Variants in PRAP1 observed in about 807,000 individuals in gnomAD.
PRAP1 encodes proline-rich acidic protein 1.
In PRAP1, 12 loss-of-function variants were observed where a neutral mutation model predicts 14.6. The observed-to-expected ratio is 0.82, with a 90% confidence interval of 0.53 to 1.33. The LOEUF is 1.33. PRAP1 is among the 40% of genes most tolerant of loss of function. The pLI is 0.00. For synonymous variants in PRAP1, 81 were observed against 80.3 expected, an observed-to-expected ratio of 1.01 and a Z score of -0.04; for missense variants, 160 against 193.7, an observed-to-expected ratio of 0.83 and a Z score of 1.03.
chr10:133,348,778 C>T (rs565667973), intron 1 of PRAP1, among the ~76,000 whole-genome samples: 159 of 151,852 alleles, frequency 1.0e-3, no homozygotes, highest in African/African-American at 3.7e-3. Flanking sequence ...TCTGTTGCCT[C>T]AGCCTCCCAA....
At position 133,352,469 on chromosome 10, in the gene PRAP1, C is replaced by T. The variant is rs777576350; in HGVS notation, c.*29C>T. The T allele has an allele frequency of 4.4e-5, 70 of 1,594,868 alleles. No homozygotes were observed. In the Admixed American group the frequency reaches 1.2e-3, roughly 26 times the overall value. ...TCCAGGGGCCATCACTGCCCCCGCC[C>T]TGTCCCAAGGCCCAGGCTGTTGGGA... On this transcript the variant is annotated 3_prime_UTR_variant, in exon 5 of 5. Coordinates refer to ENST00000433452, the MANE Select transcript of PRAP1 (RefSeq NM_145202.5).
Position 133,351,273 on chromosome 10 carries a change from G to C in PRAP1, c.76-108G>C. Reference sequence around the variant, plus strand: ...GCTGGCCCTGCCCCCACCCCCTGCAGCCACCTCCACCCCATGCAGCCCCAG... The same window carrying C: ...GCTGGCCCTGCCCCCACCCCCTGCACCCACCTCCACCCCATGCAGCCCCAG... On this transcript the variant is annotated intron_variant, in intron 2 of 4. Transcript: ENST00000433452. This position sits in a 1 kb window ranked among gnomAD's most constrained non-coding sequence, Gnocchi z 4.3. The C allele has an allele frequency of 5.8e-6, 4 of 687,118 alleles. No homozygotes were observed. The highest frequency in any genetic ancestry group is 7.4e-6 in the Non-Finnish European group (3 of 403,874). 42.6% of individuals were successfully genotyped at this position (687,118 alleles called of 1,614,324 possible).
At chr10:133,348,040 G>T (rs947961621) in intron 1 of PRAP1, among the ~76,000 whole-genome samples, 1 of 152,156 alleles carries the variant, frequency 6.6e-6, no homozygotes, top group African/African-American at 2.4e-5. Context: ...GTAGCTTGGG[G>T]ACCCTTTGGT....
At chr10:133,350,040 A>AGTTCAGGGCGCTGCCTGGT in intron 1 of PRAP1, 55 bp from the exon 2 acceptor site, 1 of 1,536,398 alleles carries the variant, frequency 6.5e-7, no homozygotes, top group Non-Finnish European at 8.9e-7. Flanking sequence ...TGCTGCCTGG[A>AGTTCAGGGCGCTGCCTGGT]GTTCAGGGCG....
In PRAP1 at chr10:133,352,109, A is replaced by C; in HGVS notation, c.231A>C (p.Pro77=). ...KPKLLTTEEK[P]RGQGRGPILP... ...AACTCTTGACCACCGAGGAGAAGCC[A>C]CGAGGTCAGGGCAGGGGCCCCATCC... is the stretch of plus-strand genomic sequence containing the variant. The change falls in exon 4 of 5, where the codon CCA becomes CCC. Residue 77 remains proline (P), a synonymous_variant. Coordinates refer to ENST00000433452, the MANE Select transcript of PRAP1 (RefSeq NM_145202.5). 1 of 1,613,156 alleles carries C rather than the reference A, an allele frequency of 6.2e-7. No homozygotes were observed. The highest frequency in any genetic ancestry group is 1.3e-5 in the African/African-American group (1 of 75,026).
chr10:133,352,556 G>C lies in PRAP1; in HGVS notation c.*116G>C. ...AAACCCCAGCAGGCCGGGCGCGGTG[G>C]CTCACCTCTGTAATCCCAGCACTTT... On this transcript the variant is annotated 3_prime_UTR_variant, in exon 5 of 5. Coordinates refer to ENST00000433452, the MANE Select transcript of PRAP1 (RefSeq NM_145202.5). 1 of 857,292 alleles carries C rather than the reference G, an allele frequency of 1.2e-6. No homozygotes were observed. Among genetic ancestry groups the C allele is most frequent in the African/African-American group, 1.7e-5 (1 of 58,542 alleles). The allele number at this position is 857,292 out of a possible 1,614,324, so 53.1% of individuals were successfully genotyped here.
At chr10:133,348,249 C>A (rs1296054730) in intron 1 of PRAP1, among the ~76,000 whole-genome samples, 4 of 152,168 alleles carry the variant, frequency 2.6e-5, no homozygotes, top group Non-Finnish European at 5.9e-5. Context: ...AGACAAGAGC[C>A]CCTGCCCAGC....
Position 133,351,887 on chromosome 10 carries a change from G to C in PRAP1, c.129-120G>C. The C allele has an allele frequency of 1.5e-6, 2 of 1,333,204 alleles. No individual in the cohort carries two copies. The highest frequency in any genetic ancestry group is 2.0e-6 in the Non-Finnish European group (2 of 978,306). 82.6% of individuals were successfully genotyped at this position (1,333,204 alleles called of 1,614,324 possible). On this transcript the variant is annotated intron_variant, in intron 3 of 4. Transcript: ENST00000433452. This position sits in a 1 kb window ranked among gnomAD's most constrained non-coding sequence, Gnocchi z 4.3. ...TCACTGGCTCTTGAGAGAGAGGCTT[G>C]TCCTGGGGCTGCTGGTGGTGGGGCT...
rs1848686815 is a variant in PRAP1, at chr10:133,351,977, C to T, written c.129-30C>T. The stretch of plus-strand genomic sequence containing the variant: ...GGGTTCTGTCCACCTCCCCCACCTG[C>T]ATGTGGACCTGACCAAACTGTGCCA... On this transcript the variant is annotated intron_variant, in intron 3 of 4. Transcript: ENST00000433452. This position sits in a 1 kb window ranked among gnomAD's most constrained non-coding sequence, Gnocchi z 4.3. 6.2e-7 allele frequency: 1 copy of T among 1,608,226 alleles called. No individual in the cohort carries two copies. Among genetic ancestry groups the T allele is most frequent in the Non-Finnish European group, 8.5e-7 (1 of 1,178,574 alleles).
chr10:133,349,277 C>G (rs1317652071), intron 1 of PRAP1, among the ~76,000 whole-genome samples: 1 of 151,556 alleles, frequency 6.6e-6, no homozygotes, highest in Admixed American at 6.6e-5. Flanking sequence ...CTCCACACCA[C>G]ACACAACATA....
In PRAP1 at chr10:133,352,331, C is replaced by T. The variant is rs34073525; in HGVS notation, c.347C>T (p.Pro116Leu). Reference sequence around the variant, plus strand: ...GACCATGACAGCCTGTACCACCCTCCGCCTGAGGAGGACCAGGGCGAGGAG... The same window carrying T: ...GACCATGACAGCCTGTACCACCCTCTGCCTGAGGAGGACCAGGGCGAGGAG... Reference protein sequence around the residue: ...EPDHDSLYHPPPEEDQGEERP... With the variant: ...EPDHDSLYHPLPEEDQGEERP... The change falls in exon 5 of 5, where the codon CCG becomes CTG. Residue 116 changes from proline (P) to leucine (L), a missense_variant. Physicochemically the swap from Pro to Leu is moderately conservative, Grantham distance 98. Coordinates refer to ENST00000433452, the MANE Select transcript of PRAP1 (RefSeq NM_145202.5). 2,175 of 1,613,162 alleles carry T rather than the reference C, an allele frequency of 1.3e-3. 41 individuals carry two copies. In the African/African-American group the frequency reaches 0.025, roughly 19 times the overall value.
intron 1 of PRAP1, among the ~76,000 whole-genome samples, chr10:133,349,199 ACAC>A (rs1848635010): frequency 6.6e-6 from 1 of 151,006 alleles, no homozygotes; most frequent in Admixed American, 6.6e-5. Context: ...TCCACCCCAC[ACAC>A]AACATACATA....
chr10:133,347,383 C>G lies in PRAP1; in HGVS notation c.-35C>G. The G allele has an allele frequency of 1.2e-6, 2 of 1,613,224 alleles. No individual in the cohort carries two copies. Among genetic ancestry groups the G allele is most frequent in the Admixed American group, 1.7e-5 (1 of 59,934 alleles). On this transcript the variant is annotated 5_prime_UTR_variant, in exon 1 of 5. Transcript: ENST00000433452. This position sits in a 1 kb window ranked among gnomAD's most constrained non-coding sequence, Gnocchi z 5.0. Reference sequence around the variant, plus strand: ...ATACTGGGATCAGCCACTGCAGCTCCCTGAGCACTCTCTACAGAGACGCGG... The same window carrying G: ...ATACTGGGATCAGCCACTGCAGCTCGCTGAGCACTCTCTACAGAGACGCGG...
In PRAP1 at chr10:133,352,546, G is replaced by T; in HGVS notation, c.*106G>T. The T allele has an allele frequency of 2.0e-6, 2 of 991,908 alleles. No individual in the cohort carries two copies. Among genetic ancestry groups the T allele is most frequent in the African/African-American group, 1.6e-5 (1 of 61,158 alleles). 61.4% of individuals were successfully genotyped at this position (991,908 alleles called of 1,614,324 possible). A position where few individuals can be genotyped will look rare whatever the true frequency, so the allele number is the denominator to read the frequency against. ...CTAGACAAATAAACCCCAGCAGGCC[G>T]GGCGCGGTGGCTCACCTCTGTAATC... On this transcript the variant is annotated 3_prime_UTR_variant, in exon 5 of 5. Coordinates refer to ENST00000433452, the MANE Select transcript of PRAP1 (RefSeq NM_145202.5).
Position 133,351,231 on chromosome 10 carries a change from C to A in PRAP1, c.76-150C>A. ...CCGAGAGTGGCTTGCCCACTAGAGA[C>A]GCTCGAGCTGTGCTGAGCTGGCCCT... is the stretch of plus-strand genomic sequence containing the variant. On this transcript the variant is annotated intron_variant, in intron 2 of 4. Transcript: ENST00000433452. This position sits in a 1 kb window ranked among gnomAD's most constrained non-coding sequence, Gnocchi z 4.3. The A allele has an allele frequency of 1.8e-6, 1 of 555,678 alleles. No homozygotes were observed. Among genetic ancestry groups the A allele is most frequent in the Non-Finnish European group, 3.3e-6 (1 of 306,510 alleles). 34.4% of individuals were successfully genotyped at this position (555,678 alleles called of 1,614,324 possible). A position where few individuals can be genotyped will look rare whatever the true frequency, so the allele number is the denominator to read the frequency against.
Position 133,347,536 on chromosome 10 carries a change from G to C in PRAP1, c.8+111G>C. The C allele has an allele frequency of 7.8e-6, 9 of 1,159,514 alleles. No homozygotes were observed. The highest frequency in any genetic ancestry group is 9.7e-6 in the Non-Finnish European group (8 of 823,830). 71.8% of individuals were successfully genotyped at this position (1,159,514 alleles called of 1,614,324 possible). ...GCGCTCCAGGGGGCCTGGTTCAGGG[G>C]AGTGTGCGGGTGGGAGGGAGAAGGA... On this transcript the variant is annotated intron_variant, in intron 1 of 4. Transcript: ENST00000433452. This position sits in a 1 kb window ranked among gnomAD's most constrained non-coding sequence, Gnocchi z 5.0.
rs993851739 is a variant in PRAP1, at chr10:133,351,092, C to T, written c.76-289C>T. Among the ~76,000 whole-genome samples the T allele has an allele frequency of 2.6e-5, 4 of 152,166 alleles. No individual in the cohort carries two copies. Among genetic ancestry groups the T allele is most frequent in the East Asian group, 1.9e-4 (1 of 5,192 alleles). On this transcript the variant is annotated intron_variant, in intron 2 of 4. Transcript: ENST00000433452. This position sits in a 1 kb window ranked among gnomAD's most constrained non-coding sequence, Gnocchi z 4.3. ...GGTTGGGAGTGCTAGGTCAGGGATA[C>T]GGTGCCAGGTTACATCCCAGTCCTG... is the stretch of plus-strand genomic sequence containing the variant.
In PRAP1 at chr10:133,352,125, G is replaced by T; in HGVS notation, c.247G>T (p.Gly83Cys). ...GGAGAAGCCACGAGGTCAGGGCAGG[G>T]GCCCCATCCTTCCAGGTGGGCACAA... ...TEEKPRGQGR[G>C]PILPGTKAWM... The change falls in exon 4 of 5, where the codon GGC (glycine) becomes TGC (cysteine). Residue 83 changes from glycine (G) to cysteine (C), a missense_variant. Physicochemically the swap from Gly to Cys is radical, Grantham distance 159 (BLOSUM62 -3). Transcript: ENST00000433452. 2.5e-6 allele frequency: 4 copies of T among 1,613,022 alleles called. No individual in the cohort carries two copies. The highest frequency in any genetic ancestry group is 3.4e-6 in the Non-Finnish European group (4 of 1,179,950).
rs1223814637 is a variant in PRAP1, at chr10:133,347,842, C to T, written c.8+417C>T. ...TGGAGCTCAGGGAAGCACCCGGGCT[C>T]CCGCTGGACCCTGGAATCAGAGGCT... On this transcript the variant is annotated intron_variant, in intron 1 of 4. Coordinates refer to ENST00000433452, the MANE Select transcript of PRAP1 (RefSeq NM_145202.5). This position sits in a 1 kb window ranked among gnomAD's most constrained non-coding sequence, Gnocchi z 5.0. Among the ~76,000 whole-genome samples, 2 of 152,166 alleles carry T rather than the reference C, an allele frequency of 1.3e-5. No individual in the cohort carries two copies. The highest frequency in any genetic ancestry group is 2.9e-5 in the Non-Finnish European group (2 of 68,010).
Sources: allele counts gnomAD v4.1 joint callset (sites outside exome capture counted in the v4.1 genomes callset), GRCh38; gene constraint gnomAD v4.1.1; non-coding constraint Gnocchi (gnomAD v3.1); transcripts MANE v1.5; gene names NCBI Gene and HGNC (gene_info 2026-07-23, HGNC 2026-07-21).